ITGB3BP: variants seen among roughly 807,000 people sequenced by gnomAD.
The protein encoded by ITGB3BP is integrin subunit beta 3 binding protein, also known as centromere protein R.
A neutral mutation model predicts 29.1 loss-of-function variants in ITGB3BP; 27 were observed. The observed-to-expected ratio is 0.93, with a 90% CI of 0.68 to 1.28. The LOEUF is 1.28. Ranked by LOEUF, ITGB3BP falls within the 50% of genes most tolerant of loss-of-function variation. ITGB3BP has a pLI of 0.00. For synonymous variants in ITGB3BP, 61 were observed against 61.4 expected, an observed-to-expected ratio of 0.99 and a Z score of 0.03; for missense variants, 192 against 200.2, an observed-to-expected ratio of 0.96 and a Z score of 0.25.
chr1:63,478,759 CTT>C lies in ITGB3BP; in HGVS notation c.254+3_254+4del. The stretch of plus-strand genomic sequence containing the variant: ...CATATATAATTTCAAAAATAACAAA[CTT>C]ACTCATCATTGTCTTTTGTTGTAGA... On this transcript the variant is annotated splice_donor_region_variant and intron_variant, in intron 4 of 8. Coordinates refer to ENST00000271002, the MANE Select transcript of ITGB3BP (RefSeq NM_014288.5). 1 of 1,376,412 alleles carries C rather than the reference CTT, an allele frequency of 7.3e-7. No individual in the cohort carries two copies. Among genetic ancestry groups the C allele is most frequent in the East Asian group, 2.5e-5 (1 of 40,158 alleles). The allele number at this position is 1,376,412 out of a possible 1,614,324, so 85.3% of individuals were successfully genotyped here. A position where few individuals can be genotyped will look rare whatever the true frequency, so the allele number is the denominator to read the frequency against.
In ITGB3BP at chr1:63,517,600, T is replaced by C. The variant is rs193051195; in HGVS notation, c.5+5529A>G. ...CTGAAATATAGAAATATATTGATCT[T>C]TGTACACTGATTTTGCATCCTACAT... On this transcript the variant is annotated intron_variant, in intron 1 of 8. Transcript: ENST00000271002. Among the ~76,000 whole-genome samples, 121 of 152,322 alleles carry C rather than the reference T, an allele frequency of 7.9e-4. 1 individual carries two copies. The East Asian group carries it at 0.02, about 25-fold the overall frequency.
rs564847325 is a variant in ITGB3BP, at chr1:63,502,270, C to T, written c.48+6258G>A. Among the ~76,000 whole-genome samples the T allele has an allele frequency of 3.1e-4, 47 of 152,288 alleles. 1 individual carries two copies. The highest frequency in any genetic ancestry group is 1.0e-3 in the Admixed American group (16 of 15,290). ...TGGAACTTTCTTCACCTCCTTACAACACCCAACAATTTGTGAGGTTTAGCA... is the reference window on the plus strand; with the variant it reads ...TGGAACTTTCTTCACCTCCTTACAATACCCAACAATTTGTGAGGTTTAGCA... On this transcript the variant is annotated intron_variant, in intron 2 of 8. Coordinates refer to ENST00000271002, the MANE Select transcript of ITGB3BP (RefSeq NM_014288.5).
chr1:63,509,826 T>G (rs1646158728), intron 1 of ITGB3BP, among the ~76,000 whole-genome samples: 1 of 152,182 alleles, frequency 6.6e-6, no homozygotes, highest in Non-Finnish European at 1.5e-5. Flanking sequence ...TTTTTTAAAA[T>G]TTATATTTAG....
intron 2 of ITGB3BP, among the ~76,000 whole-genome samples, chr1:63,528,289 A>G (rs113698080): frequency 1.3e-5 from 2 of 152,184 alleles, no homozygotes; most frequent in African/African-American, 4.8e-5. Context: ...AATAACATGG[A>G]TAGAACTGGA....
At chr1:63,467,489 C>T (rs1645117912) in intron 4 of ITGB3BP, among the ~76,000 whole-genome samples, 1 of 151,236 alleles carries the variant, frequency 6.6e-6, no homozygotes, top group African/African-American at 2.4e-5. Flanking sequence ...AGTGGGACTA[C>T]AGGCACACCA....
intron 4 of ITGB3BP, among the ~76,000 whole-genome samples, chr1:63,472,830 T>G (rs930434995): frequency 4.0e-5 from 6 of 151,650 alleles, no homozygotes; most frequent in Non-Finnish European, 7.4e-5. Context: ...CGCTACAACC[T>G]CCACCTCCCA....
intron 1 of ITGB3BP, among the ~76,000 whole-genome samples, chr1:63,509,878 C>G (rs1193458697): frequency 6.6e-6 from 1 of 152,100 alleles, no homozygotes; most frequent in African/African-American, 2.4e-5. Flanking sequence ...GTAAGATGTT[C>G]TGGTATTTAT....
chr1:63,447,346 T>C (rs1644802242), intron 7 of ITGB3BP, among the ~76,000 whole-genome samples: 1 of 152,218 alleles, frequency 6.6e-6, no homozygotes, highest in Non-Finnish European at 1.5e-5. Context: ...TCATCACACA[T>C]TGGCTGTACT....
intron 2 of ITGB3BP, among the ~76,000 whole-genome samples, chr1:63,492,863 C>T (rs1645684794): frequency 6.6e-6 from 1 of 152,200 alleles, no homozygotes; most frequent in South Asian, 2.1e-4. Flanking sequence ...TATCCCAGCA[C>T]TTTGGGAAGC....
intron 2 of ITGB3BP, among the ~76,000 whole-genome samples, chr1:63,494,526 T>C (rs1337580955): frequency 2.0e-5 from 3 of 152,194 alleles, no homozygotes; most frequent in Non-Finnish European, 4.4e-5. Flanking sequence ...TTTGAACTTA[T>C]CTTAGTGATC....
chr1:63,458,347 T>C (rs537327306), intron 4 of ITGB3BP: 1 of 152,240 alleles, frequency 6.6e-6, no homozygotes, highest in South Asian at 2.1e-4. Flanking sequence ...CTCTATTAAG[T>C]TCCTCAGATG....
At chr1:63,475,191 G>A (rs564084935) in intron 4 of ITGB3BP, among the ~76,000 whole-genome samples, 11 of 152,182 alleles carry the variant, frequency 7.2e-5, no homozygotes, top group East Asian at 3.9e-4. Context: ...TGCCCAGGCC[G>A]GTCTCAAACT....
rs376500389 is a variant in ITGB3BP, at chr1:63,482,270, C to CAAAAAA, written c.185-3443_185-3438dup. Among the ~76,000 whole-genome samples the CAAAAAA allele has an allele frequency of 3.7e-3, 222 of 59,246 alleles. 18 individuals are homozygous for CAAAAAA. The highest frequency in any genetic ancestry group is 0.013 in the Admixed American group (46 of 3,442). 38.9% of individuals were successfully genotyped at this position (59,246 alleles called of 152,430 possible). The stretch of plus-strand genomic sequence containing the variant: ...CCTGGGTGACAGAGTGACTCCATCT[C>CAAAAAA]AAAAAAAAAAAAAAAAAAAAAAAGA... On this transcript the variant is annotated intron_variant, in intron 3 of 8. Transcript: ENST00000271002.
chr1:63,493,855 T>C (rs1645721571), intron 2 of ITGB3BP, among the ~76,000 whole-genome samples: 1 of 152,224 alleles, frequency 6.6e-6, no homozygotes, highest in East Asian at 1.9e-4. Flanking sequence ...ATTTAAAGGA[T>C]ACTTTATCAC....
chr1:63,469,654 T>C (rs1645161905), intron 4 of ITGB3BP, among the ~76,000 whole-genome samples: 1 of 152,198 alleles, frequency 6.6e-6, no homozygotes, highest in Non-Finnish European at 1.5e-5. Flanking sequence ...CCATGAACAC[T>C]TATGGGCATA....
intron 3 of ITGB3BP, among the ~76,000 whole-genome samples, chr1:63,487,588 C>T (rs547509850): frequency 1.3e-5 from 2 of 152,122 alleles, no homozygotes; most frequent in African/African-American, 4.8e-5. Context: ...AGTCTACAAA[C>T]CTGTACAGCA....
intron 7 of ITGB3BP, chr1:63,453,510 A>G (rs1472777127): frequency 6.2e-6 from 1 of 161,438 alleles, no homozygotes; most frequent in African/African-American, 2.4e-5. Context: ...AACAAAGCAT[A>G]TTAATGATCT....
chr1:63,457,263 C>T (rs1644948848), intron 4 of ITGB3BP: 1 of 152,020 alleles, frequency 6.6e-6, no homozygotes, highest in South Asian at 2.1e-4. Flanking sequence ...CTGAAGAAGC[C>T]TTCATAATCT....
At chr1:63,497,397 T>C (rs917114639) in intron 2 of ITGB3BP, among the ~76,000 whole-genome samples, 1 of 152,174 alleles carries the variant, frequency 6.6e-6, no homozygotes, top group African/African-American at 2.4e-5. Flanking sequence ...GTTAATAGTA[T>C]CTGGAGCCAC....
Sources: gnomAD v4.1 joint callset for allele counts (sites outside exome capture counted in the v4.1 genomes callset) on GRCh38, gnomAD v4.1.1 for gene constraint, MANE v1.5 for transcripts, NCBI Gene and HGNC (gene_info 2026-07-23, HGNC 2026-07-21) for gene names.